Variants in BTBD10 observed in about 807,000 individuals in gnomAD.
The protein encoded by BTBD10 is BTB domain containing 10.
BTBD10 carries 21 observed loss-of-function variants against 53.2 expected under a neutral mutation model. The ratio of observed to expected loss-of-function variants is 0.39; its 90% CI spans 0.28 to 0.57. The LOEUF is 0.57. Among genes scored for constraint, BTBD10 ranks in the 20% least tolerant of loss-of-function variants. The pLI is 0.53. For missense variants in BTBD10, 360 were observed against 594.7 expected, an observed-to-expected ratio of 0.61 and a Z score of 4.10; for synonymous variants, 149 against 192.7, an observed-to-expected ratio of 0.77 and a Z score of 1.88.
At chr11:13,421,590 G>C in intron 3 of BTBD10, 52 bp downstream of exon 3, 2 of 1,469,996 alleles carry the variant, frequency 1.4e-6, no homozygotes. Context: ...ACTTTAAAAA[G>C]GTAAATGCAT....
At chr11:13,418,073 T>C (rs1565245470) in intron 4 of BTBD10, among the ~76,000 whole-genome samples, 1 of 152,124 alleles carries the variant, frequency 6.6e-6, no homozygotes, top group Non-Finnish European at 1.5e-5. Context: ...CTAGATCCTA[T>C]GGTACGGTTG....
chr11:13,437,751 T>G (rs895712979), intron 2 of BTBD10, among the ~76,000 whole-genome samples: 1 of 152,192 alleles, frequency 6.6e-6, no homozygotes, highest in Admixed American at 6.5e-5. Context: ...TTTCTTCAAG[T>G]CAGTCATAAA....
chr11:13,461,554 G>A (rs886591552), intron 1 of BTBD10, among the ~76,000 whole-genome samples: 1 of 152,040 alleles, frequency 6.6e-6, no homozygotes, highest in Non-Finnish European at 1.5e-5. Context: ...ATTATAAAAA[G>A]CCAAAAGCAG....
rs1206165739 is a variant in BTBD10 at position 13,388,140 on chromosome 11, A to G, written c.*691T>C. On this transcript the variant is annotated 3_prime_UTR_variant, in exon 9 of 9. Transcript: ENST00000278174. ...CTTAAGAAAAAAAAAGCATTAGTAA[A>G]TAAATATCTGTGAACAGATTAAGGG... 6.6e-6 allele frequency: 1 copy of G among 152,592 alleles called. No individual in the cohort carries two copies. The highest frequency in any genetic ancestry group is 6.5e-5 in the Admixed American group (1 of 15,274). 9.5% of individuals were successfully genotyped at this position (152,592 alleles called of 1,614,324 possible).
chr11:13,454,679 C>T lies in BTBD10; in HGVS notation c.-58+8413G>A, dbSNP rs76759637. On this transcript the variant is annotated intron_variant, in intron 1 of 8. Coordinates refer to ENST00000278174, the MANE Select transcript of BTBD10 (RefSeq NM_032320.7). ...CAAGCCTGGGTAACATAATGAGACC[C>T]CCAGGTCTAAAAATAAAAAAATAAA... Among the ~76,000 whole-genome samples the T allele has an allele frequency of 2.9e-3, 432 of 150,146 alleles. 2 individuals carry two copies. The highest frequency in any genetic ancestry group is 5.4e-3 in the Admixed American group (82 of 15,140).
intron 8 of BTBD10, among the ~76,000 whole-genome samples, chr11:13,399,335 G>A (rs1475574550): frequency 2.6e-5 from 4 of 151,994 alleles, no homozygotes; most frequent in African/African-American, 4.8e-5. Context: ...CCAGTTGATC[G>A]CATCGGCTAC....
intron 1 of BTBD10, among the ~76,000 whole-genome samples, chr11:13,455,244 C>G (rs1345582887): frequency 6.6e-6 from 1 of 152,178 alleles, no homozygotes; most frequent in Non-Finnish European, 1.5e-5. Flanking sequence ...ATCTCTAATT[C>G]ACCAAGATGT....
intron 8 of BTBD10, among the ~76,000 whole-genome samples, chr11:13,391,723 A>G (rs1174551892): frequency 6.6e-6 from 1 of 152,202 alleles, no homozygotes; most frequent in African/African-American, 2.4e-5. Context: ...AGGCAGGCGG[A>G]TCATGAGGTC....
At chr11:13,432,441 T>C (rs897596759) in intron 2 of BTBD10, among the ~76,000 whole-genome samples, 1 of 152,202 alleles carries the variant, frequency 6.6e-6, no homozygotes, top group African/African-American at 2.4e-5. Context: ...TCTCATAATG[T>C]ACTAAAGTTA....
At chr11:13,422,140 T>C (rs749224057) in intron 2 of BTBD10, among the ~76,000 whole-genome samples, 1 of 152,232 alleles carries the variant, frequency 6.6e-6, no homozygotes, top group Non-Finnish European at 1.5e-5. Flanking sequence ...ATCACTCAGA[T>C]ATCTTAAATG....
chr11:13,461,807 G>A (rs768662097), intron 1 of BTBD10, among the ~76,000 whole-genome samples: 9 of 152,040 alleles, frequency 5.9e-5, no homozygotes, highest in Non-Finnish European at 1.3e-4. Context: ...CACATTCCAT[G>A]CTTCAGAAAC....
At chr11:13,424,944 G>C (rs947521032) in intron 2 of BTBD10, among the ~76,000 whole-genome samples, 19 of 152,268 alleles carry the variant, frequency 1.2e-4, no homozygotes, top group African/African-American at 4.6e-4. Flanking sequence ...GAAAGACATG[G>C]AGCTGAGACA....
chr11:13,408,295 C>T (rs2135783329), intron 6 of BTBD10, among the ~76,000 whole-genome samples: 1 of 152,292 alleles, frequency 6.6e-6, no homozygotes, highest in East Asian at 1.9e-4. Flanking sequence ...CCAACATCTG[C>T]TTTTGCCTCT....
chr11:13,418,624 A>C (rs949019766), intron 4 of BTBD10, among the ~76,000 whole-genome samples: 1 of 152,158 alleles, frequency 6.6e-6, no homozygotes, highest in African/African-American at 2.4e-5. Flanking sequence ...TTACTCAAAA[A>C]TGTATGCAAT....
intron 2 of BTBD10, among the ~76,000 whole-genome samples, chr11:13,428,571 A>G (rs941104582): frequency 5.3e-5 from 8 of 152,178 alleles, no homozygotes; most frequent in Admixed American, 4.6e-4. Context: ...GAACTAAAAG[A>G]AAGTGGAAAA....
At chr11:13,436,519 A>T (rs991330593) in intron 2 of BTBD10, among the ~76,000 whole-genome samples, 2 of 152,194 alleles carry the variant, frequency 1.3e-5, no homozygotes, top group African/African-American at 4.8e-5. Flanking sequence ...TTAGAACAAT[A>T]CTGAGCACCT....
In BTBD10 at chr11:13,389,149, AAAG is replaced by A; in HGVS notation, c.1118-11_1118-9del. ...CTTTGTAGGTAGGATAACCTGAAAG[AAAG>A]AAAGATTTTAAAAACTGAGGAGACA... On this transcript the variant is annotated splice_polypyrimidine_tract_variant and intron_variant, in intron 8 of 8. Coordinates refer to ENST00000278174, the MANE Select transcript of BTBD10 (RefSeq NM_032320.7). 1 of 1,598,664 alleles carries A rather than the reference AAAG, an allele frequency of 6.3e-7. No individual in the cohort carries two copies. Among genetic ancestry groups the A allele is most frequent in the Non-Finnish European group, 8.5e-7 (1 of 1,173,746 alleles).
chr11:13,456,354 G>T (rs1726696830), intron 1 of BTBD10, among the ~76,000 whole-genome samples: 1 of 152,070 alleles, frequency 6.6e-6, no homozygotes, highest in Non-Finnish European at 1.5e-5. Flanking sequence ...CTAATAAATG[G>T]TATTGGGACA....
At chr11:13,393,010 ATGT>A (rs1409735337) in intron 8 of BTBD10, among the ~76,000 whole-genome samples, 1 of 152,200 alleles carries the variant, frequency 6.6e-6, no homozygotes, top group Non-Finnish European at 1.5e-5. Context: ...AGGTTGAGAG[ATGT>A]TGTTCCATTA....
Sources: allele counts gnomAD v4.1 joint callset (sites outside exome capture counted in the v4.1 genomes callset), GRCh38; gene constraint gnomAD v4.1.1; transcripts MANE v1.5; gene names NCBI Gene and HGNC (gene_info 2026-07-23, HGNC 2026-07-21).